The following CSMD1 variants were observed in gnomAD, a reference collection of about 807,000 sequenced individuals.
The protein encoded by CSMD1 is CUB and Sushi multiple domains 1.
A neutral mutation model predicts 417.5 loss-of-function variants in CSMD1; 213 were observed. The observed-to-expected ratio is 0.51, with a 90% CI of 0.46 to 0.57. The LOEUF is 0.57. Among genes scored for constraint, CSMD1 ranks in the 20% least tolerant of loss-of-function variants. CSMD1 has a pLI of 0.00. For synonymous variants in CSMD1, 2,862 were observed against 1,736.8 expected, an observed-to-expected ratio of 1.65 and a Z score of -16.11; for missense variants, 6,923 against 4,529.7, an observed-to-expected ratio of 1.53 and a Z score of -15.17.
At chr8:3,426,734 T>A (rs1368973744) in intron 12 of CSMD1, among the ~76,000 whole-genome samples, 2 of 152,238 alleles carry the variant, frequency 1.3e-5, no homozygotes, top group Non-Finnish European at 2.9e-5. Context: ...TATAGTTTAC[T>A]AAAATGTAGG....
intron 1 of CSMD1, among the ~76,000 whole-genome samples, chr8:4,645,348 C>G (rs1038060): frequency 0.61 from 91,257 of 149,994 alleles, 28,083 homozygotes; most frequent in Admixed American, 0.71. Context: ...ATGTTTTCAC[C>G]TACTGAGAAA....
At chr8:4,771,935 G>A (rs568844620) in intron 1 of CSMD1, among the ~76,000 whole-genome samples, 1 of 152,114 alleles carries the variant, frequency 6.6e-6, no homozygotes, top group Non-Finnish European at 1.5e-5. Context: ...AGCCCATCCC[G>A]GGGATCTCGT....
At chr8:4,222,757 G>T (rs1032380706) in intron 3 of CSMD1, among the ~76,000 whole-genome samples, 2 of 152,148 alleles carry the variant, frequency 1.3e-5, no homozygotes, top group African/African-American at 2.4e-5. Flanking sequence ...CCCAGATGGA[G>T]GTTATAGTTT....
intron 3 of CSMD1, among the ~76,000 whole-genome samples, chr8:4,319,554 A>C (rs79923759): frequency 0.033 from 5,075 of 152,236 alleles, 115 homozygotes; most frequent in Middle Eastern, 0.099. Flanking sequence ...GAAATAAAGG[A>C]AACATTAATT....
chr8:4,676,995 T>C (rs1805730241), intron 1 of CSMD1, among the ~76,000 whole-genome samples: 1 of 146,388 alleles, frequency 6.8e-6, no homozygotes, highest in Non-Finnish European at 1.5e-5. Flanking sequence ...TTTATATATA[T>C]ATAAAATTTT....
intron 3 of CSMD1, among the ~76,000 whole-genome samples, chr8:4,075,365 T>C (rs1309862263): frequency 2.6e-5 from 4 of 152,194 alleles, no homozygotes; most frequent in Non-Finnish European, 5.9e-5. Context: ...GTGCTGAATT[T>C]TTTTTTGATG....
intron 2 of CSMD1, among the ~76,000 whole-genome samples, chr8:4,459,978 C>A (rs901935261): frequency 6.6e-6 from 1 of 152,018 alleles, no homozygotes. Flanking sequence ...CCAAAATGAC[C>A]ATCAGACTAG....
intron 26 of CSMD1, among the ~76,000 whole-genome samples, chr8:3,271,717 A>G (rs1801870245): frequency 6.6e-6 from 1 of 152,142 alleles, no homozygotes; most frequent in African/African-American, 2.4e-5. Context: ...TTTTGGCTGC[A>G]TAAATGTCTT....
intron 10 of CSMD1, among the ~76,000 whole-genome samples, chr8:3,533,438 G>C (rs1798062467): frequency 6.6e-6 from 1 of 152,092 alleles, no homozygotes; most frequent in African/African-American, 2.4e-5. Flanking sequence ...CAGCGTCTAT[G>C]AGTTTAACTC....
chr8:3,366,711 C>G (rs28737291), intron 20 of CSMD1, among the ~76,000 whole-genome samples: 11 of 152,136 alleles, frequency 7.2e-5, no homozygotes, highest in African/African-American at 2.4e-4. Context: ...GAACTTTCCT[C>G]AGAGATCTTG....
chr8:4,322,301 T>C (rs1799314727), intron 3 of CSMD1, among the ~76,000 whole-genome samples: 1 of 151,222 alleles, frequency 6.6e-6, no homozygotes, highest in African/African-American at 2.4e-5. Context: ...TTTCATGTTA[T>C]CTGCATATTT....
At chr8:4,449,780 G>C (rs560683770) in intron 2 of CSMD1, among the ~76,000 whole-genome samples, 1 of 152,094 alleles carries the variant, frequency 6.6e-6, no homozygotes, top group African/African-American at 2.4e-5. Context: ...GAGCAGCTAT[G>C]TTTGGGCATT....
At chr8:4,922,540 T>C (rs1439726803) in intron 1 of CSMD1, among the ~76,000 whole-genome samples, 7 of 152,222 alleles carry the variant, frequency 4.6e-5, no homozygotes, top group Admixed American at 4.6e-4. Flanking sequence ...ATTCACACCC[T>C]TTCAGTTTTT....
intron 2 of CSMD1, among the ~76,000 whole-genome samples, chr8:4,508,466 T>C (rs1487797414): frequency 6.6e-6 from 1 of 152,226 alleles, no homozygotes; most frequent in Admixed American, 6.5e-5. Flanking sequence ...AAGAATTTTA[T>C]TCCAGAATTT....
At chr8:3,144,865 GT>G (rs1169847009) in intron 40 of CSMD1, among the ~76,000 whole-genome samples, 1 of 151,456 alleles carries the variant, frequency 6.6e-6, no homozygotes, top group African/African-American at 2.4e-5. Context: ...GTGTCCCTTG[GT>G]TTGGAGCTGT....
intron 18 of CSMD1, among the ~76,000 whole-genome samples, chr8:3,384,766 AAT>A (rs1441682900): frequency 4.1e-5 from 5 of 122,048 alleles, no homozygotes; most frequent in African/African-American, 9.4e-5. Context: ...AAATTATATA[AAT>A]ATATATTTAT....
intron 10 of CSMD1, 79 bp downstream of exon 10, chr8:3,574,866 G>A (rs1481300035): frequency 1.6e-5 from 23 of 1,479,412 alleles, no homozygotes; most frequent in East Asian, 2.3e-5. Flanking sequence ...GATAGCATTT[G>A]CTGGGCTGTT....
chr8:3,741,213 TAAAAAAAAAAAAA>T (rs58662516), intron 6 of CSMD1, among the ~76,000 whole-genome samples: 33 of 67,268 alleles, frequency 4.9e-4, no homozygotes, highest in African/African-American at 1.5e-3. Flanking sequence ...GACTCCGTCT[TAAAAAAAAAAAAA>T]AAAAAAAAAA....
chr8:2,972,722 C>T (rs889285962), intron 57 of CSMD1, among the ~76,000 whole-genome samples: 2 of 152,176 alleles, frequency 1.3e-5, no homozygotes, highest in Admixed American at 6.5e-5. Flanking sequence ...TTGGAAATGA[C>T]GTGTGAAGGA....
Sources: gnomAD v4.1 joint callset for allele counts (sites outside exome capture counted in the v4.1 genomes callset) on GRCh38, gnomAD v4.1.1 for gene constraint, MANE v1.5 for transcripts, NCBI Gene and HGNC (gene_info 2026-07-23, HGNC 2026-07-21) for gene names.